The following TGFBR2 variants were observed in gnomAD, a reference collection of about 807,000 sequenced individuals.
The protein encoded by TGFBR2 is transforming growth factor beta receptor 2, also known as TGF-beta receptor type-2.
In TGFBR2, 18 loss-of-function variants were observed where a neutral mutation model predicts 49.0. The ratio of observed to expected loss-of-function variants is 0.37; its 90% CI spans 0.25 to 0.54. The LOEUF (loss-of-function observed/expected upper bound fraction) is 0.54, where lower values mean the gene tolerates loss of function less well. TGFBR2 is among the 20% of genes least tolerant of loss of function. TGFBR2 has a pLI of 0.85. For synonymous variants in TGFBR2, 282 were observed against 275.9 expected (o/e 1.02, Z -0.22); for missense variants, 525 against 722.6 (o/e 0.73, Z 3.13).
At chr3:30,607,998 T>G (rs1259266265) in intron 1 of TGFBR2, among the ~76,000 whole-genome samples, 1 of 151,098 alleles carries the variant, frequency 6.6e-6, no homozygotes, top group African/African-American at 2.4e-5. Context: ...TGGAGTGCAG[T>G]GGCGCAATCT....
Position 30,644,800 on chromosome 3 carries a change from C to T in TGFBR2, c.148C>T (p.Leu50=), listed in dbSNP as rs1698701049. 1 of 1,614,136 alleles carries T rather than the reference C, an allele frequency of 6.2e-7. No homozygotes were observed. Among genetic ancestry groups the T allele is most frequent in the African/African-American group, 1.3e-5 (1 of 75,058 alleles). Residue 50 remains leucine (L), a synonymous_variant, in exon 2 of 7, where the codon CTG becomes TTG. Transcript: ENST00000295754. ...DNNGAVKFPQ[L]CKFCDVRFST... is the part of the protein sequence containing the mutation. ...CAACGGTGCAGTCAAGTTTCCACAA[C>T]TGTGTAAATTTTGTGATGTGAGATT...
At chr3:30,607,116 G>A (rs1697937694) in intron 1 of TGFBR2, 139 bp downstream of exon 1, 2 of 666,590 alleles carry the variant, frequency 3.0e-6, no homozygotes, top group Non-Finnish European at 2.6e-6. Context: ...CGACACTCAC[G>A]CAGCCCGACT....
chr3:30,608,931 A>T (rs1697985073), intron 1 of TGFBR2, among the ~76,000 whole-genome samples: 1 of 152,232 alleles, frequency 6.6e-6, no homozygotes, highest in Non-Finnish European at 1.5e-5. Flanking sequence ...GTTCCAGATT[A>T]TAAAAGAAGG....
intron 1 of TGFBR2, among the ~76,000 whole-genome samples, chr3:30,631,036 CTT>C (rs34649868): frequency 0.35 from 42,661 of 120,504 alleles, 7,612 homozygotes; most frequent in African/African-American, 0.46. Flanking sequence ...AAGGAGTAGC[CTT>C]TTTTTTTTTT....
At chr3:30,656,334 T>G (rs772985938) in intron 3 of TGFBR2, among the ~76,000 whole-genome samples, 2 of 152,240 alleles carry the variant, frequency 1.3e-5, no homozygotes, top group Non-Finnish European at 2.9e-5. Flanking sequence ...TAAGCATTTC[T>G]TTTGTTTCTG....
chr3:30,644,801 T>C lies in TGFBR2; in HGVS notation c.149T>C (p.Leu50Pro). 6.2e-7 allele frequency: 1 copy of C among 1,614,194 alleles called. No individual in the cohort carries two copies. ...AACGGTGCAGTCAAGTTTCCACAAC[T>C]GTGTAAATTTTGTGATGTGAGATTT... is the stretch of plus-strand genomic sequence containing the variant. Reference protein sequence around the residue: ...DNNGAVKFPQLCKFCDVRFST... With the variant: ...DNNGAVKFPQPCKFCDVRFST... Residue 50 changes from leucine (L) to proline (P), a missense_variant, in exon 2 of 7, where the codon CTG becomes CCG. By Grantham distance (98) the Leu-to-Pro change is moderately conservative (BLOSUM62 -3). Around this residue, in one of 3 missense-constraint regions of TGFBR2, gnomAD observed 376 missense variants for 478.2 expected, o/e 0.79. Coordinates refer to ENST00000295754, the MANE Select transcript of TGFBR2 (RefSeq NM_003242.6).
At chr3:30,634,319 C>G (rs1698488073) in intron 1 of TGFBR2, among the ~76,000 whole-genome samples, 1 of 152,184 alleles carries the variant, frequency 6.6e-6, no homozygotes. Flanking sequence ...TGCCTCAGTA[C>G]TTTGAGATAA....
At chr3:30,687,533 C>G (rs546615418) in intron 5 of TGFBR2, among the ~76,000 whole-genome samples, 1 of 152,100 alleles carries the variant, frequency 6.6e-6, no homozygotes, top group South Asian at 2.1e-4. Context: ...CTGTAGACAA[C>G]TTTTTTTCTA....
At chr3:30,642,924 T>G (rs1409660746) in intron 1 of TGFBR2, among the ~76,000 whole-genome samples, 2 of 152,226 alleles carry the variant, frequency 1.3e-5, no homozygotes, top group African/African-American at 4.8e-5. Flanking sequence ...CAAAATAGCT[T>G]GTTACCTAAA....
intron 5 of TGFBR2, among the ~76,000 whole-genome samples, chr3:30,687,886 C>G (rs981612024): frequency 2.0e-5 from 3 of 152,198 alleles, no homozygotes; most frequent in Non-Finnish European, 2.9e-5. Flanking sequence ...CTTCAAGATT[C>G]ATCCATGTTG....
intron 3 of TGFBR2, among the ~76,000 whole-genome samples, chr3:30,654,095 A>G (rs1359253880): frequency 6.6e-6 from 1 of 151,754 alleles, no homozygotes; most frequent in Non-Finnish European, 1.5e-5. Context: ...TTCTCTTTAT[A>G]TCTCTGTATG....
rs34864171 is a variant in TGFBR2, at chr3:30,615,746, A to ATT, written c.94+8776_94+8777dup. Among the ~76,000 whole-genome samples, 235 of 151,668 alleles carry ATT rather than the reference A, an allele frequency of 1.5e-3. 1 individual carries two copies. The highest frequency in any genetic ancestry group is 5.0e-3 in the African/African-American group (205 of 41,336). ...TGTTGTTTGTATGATACTATTTAAA[A>ATT]TTTTTTTTCCAGAGATGAGATCTCA... On this transcript the variant is annotated intron_variant, in intron 1 of 6. Transcript: ENST00000295754.
At chr3:30,691,357 C>G in intron 6 of TGFBR2, 63 bp from the exon 7 acceptor site, 8 of 1,580,246 alleles carry the variant, frequency 5.1e-6, no homozygotes, top group Non-Finnish European at 6.1e-6. Flanking sequence ...GGTCAGCAGG[C>G]CACCTTGCCT....
rs2125451808 is a variant in TGFBR2 at position 30,688,432 on chromosome 3, C to A, written c.1445C>A (p.Pro482His). ...TTTGGTTCCAAGGTGCGGGAGCACC[C>A]CTGTGTCGAAAGCATGAAGGACAAC... is the stretch of plus-strand genomic sequence containing the variant. Reference protein sequence around the residue: ...PPFGSKVREHPCVESMKDNVL... With the variant: ...PPFGSKVREHHCVESMKDNVL... Residue 482 changes from proline (P) to histidine (H), a missense_variant, in exon 6 of 7, where the codon CCC (proline) becomes CAC (histidine). Coordinates refer to ENST00000295754, the MANE Select transcript of TGFBR2 (RefSeq NM_003242.6). The A allele has an allele frequency of 6.2e-7, 1 of 1,614,194 alleles. No individual in the cohort carries two copies. Among genetic ancestry groups the A allele is most frequent in the Non-Finnish European group, 8.5e-7 (1 of 1,180,016 alleles).
In TGFBR2 at chr3:30,672,069, G is replaced by T. The variant is rs2125434877; in HGVS notation, c.886G>T (p.Asp296Tyr). The change falls in exon 4 of 7, where the codon GAC becomes TAC. Residue 296 changes from aspartate to tyrosine, a missense_variant. Asp to Tyr is a radical substitution (Grantham distance 160, BLOSUM62 -3). Coordinates refer to ENST00000295754, the MANE Select transcript of TGFBR2 (RefSeq NM_003242.6). The surrounding 1 kb of genome is among the most constrained non-coding windows in gnomAD (Gnocchi z 4.5). ...GAAGACAGAGAAGGACATCTTCTCA[G>T]ACATCAATCTGAAGCATGAGAACAT... Reference protein sequence around the residue: ...SWKTEKDIFSDINLKHENILQ... With the variant: ...SWKTEKDIFSYINLKHENILQ... The T allele has an allele frequency of 6.2e-7, 1 of 1,614,230 alleles. No individual in the cohort carries two copies. Among genetic ancestry groups the T allele is most frequent in the Non-Finnish European group, 8.5e-7 (1 of 1,180,040 alleles).
chr3:30,646,674 C>G (rs1698747287), intron 2 of TGFBR2, among the ~76,000 whole-genome samples: 1 of 152,046 alleles, frequency 6.6e-6, no homozygotes, highest in Non-Finnish European at 1.5e-5. Context: ...TCAGGAGAGG[C>G]TGGATGACCA....
chr3:30,631,619 TTC>T (rs1176114292), intron 1 of TGFBR2, among the ~76,000 whole-genome samples: 1 of 121,856 alleles, frequency 8.2e-6, no homozygotes, highest in Non-Finnish European at 1.6e-5. Flanking sequence ...TGCAACTTCT[TTC>T]TTTTTTTTTT....
rs1022979103 is a variant in TGFBR2 at position 30,680,692 on chromosome 3, G to GA, written c.1396+6456dup. On this transcript the variant is annotated intron_variant, in intron 5 of 6. Transcript: ENST00000295754. Reference sequence around the variant, plus strand: ...TTTAATCCTCTGAAAGAATACAAAAGAAAAAAAAAAGAAAACAAATCTTTC... The same window carrying GA: ...TTTAATCCTCTGAAAGAATACAAAAGAAAAAAAAAAAGAAAACAAATCTTTC... Among the ~76,000 whole-genome samples the GA allele has an allele frequency of 3.8e-3, 554 of 145,900 alleles. 2 individuals are homozygous for GA. Among genetic ancestry groups the GA allele is most frequent in the Middle Eastern group, 0.021 (6 of 284 alleles).
At chr3:30,617,919 A>G (rs145718677) in intron 1 of TGFBR2, among the ~76,000 whole-genome samples, 231 of 152,374 alleles carry the variant, frequency 1.5e-3, no homozygotes, top group African/African-American at 5.1e-3. Context: ...GCATTAAAGC[A>G]TGTTCCAAAG....
Sources: allele counts gnomAD v4.1 joint callset (sites outside exome capture counted in the v4.1 genomes callset), GRCh38; gene constraint gnomAD v4.1.1; regional missense constraint gnomAD v4.1.1; non-coding constraint Gnocchi (gnomAD v3.1); transcripts MANE v1.5; gene names NCBI Gene and HGNC (gene_info 2026-07-23, HGNC 2026-07-21).